PLAG1: variants seen among roughly 807,000 people sequenced by gnomAD.
PLAG1 encodes PLAG1 zinc finger.
A neutral mutation model predicts 35.5 loss-of-function variants in PLAG1; 7 were observed. That is an observed-to-expected ratio of 0.20 (90% CI 0.11 to 0.37). PLAG1 has a LOEUF of 0.37. PLAG1 is among the 10% of genes least tolerant of loss of function. PLAG1 has a pLI of 1.00. For synonymous variants in PLAG1, 229 were observed against 225.4 expected (o/e 1.02, Z -0.14); for missense variants, 454 against 602.8 (o/e 0.75, Z 2.58).
intron 3 of PLAG1, among the ~76,000 whole-genome samples, chr8:56,170,787 TAATC>T (rs900466938): frequency 6.6e-6 from 1 of 152,224 alleles, no homozygotes; most frequent in African/African-American, 2.4e-5. Context: ...AAATTGGTGA[TAATC>T]AATATGGAGT....
chr8:56,198,419 C>A (rs989300298), intron 1 of PLAG1, among the ~76,000 whole-genome samples: 1 of 152,186 alleles, frequency 6.6e-6, no homozygotes, highest in African/African-American at 2.4e-5. Context: ...CGGGAGCACC[C>A]AGGTCCTATA....
chr8:56,188,916 G>T (rs36103212), intron 1 of PLAG1, among the ~76,000 whole-genome samples: 21,282 of 152,120 alleles, frequency 0.14, 1,761 homozygotes, highest in Middle Eastern at 0.19. Context: ...TCCATGCTGG[G>T]GCAAAGGGGA....
At chr8:56,192,081 A>G (rs1172086168) in intron 1 of PLAG1, among the ~76,000 whole-genome samples, 1 of 152,210 alleles carries the variant, frequency 6.6e-6, no homozygotes, top group East Asian at 1.9e-4. Flanking sequence ...TTAAAACAAA[A>G]GAAATCAACA....
chr8:56,164,555 T>C lies in PLAG1; in HGVS notation c.*1688A>G. 1 of 224,980 alleles carries C rather than the reference T, an allele frequency of 4.4e-6. No individual in the cohort carries two copies. The highest frequency in any genetic ancestry group is 8.9e-6 in the Non-Finnish European group (1 of 112,634). The allele number at this position is 224,980 out of a possible 1,614,324, so 13.9% of individuals were successfully genotyped here. On this transcript the variant is annotated 3_prime_UTR_variant, in exon 5 of 5. Transcript: ENST00000316981. ...GCTAATGAGTGCTCAGAAATATTTTTCTTTCTGTTTTTTTTTAAAGAGATA... is the reference window on the plus strand; with the variant it reads ...GCTAATGAGTGCTCAGAAATATTTTCCTTTCTGTTTTTTTTTAAAGAGATA...
intron 2 of PLAG1, among the ~76,000 whole-genome samples, chr8:56,171,823 T>A (rs922099532): frequency 6.6e-6 from 1 of 152,210 alleles, no homozygotes; most frequent in Non-Finnish European, 1.5e-5. Flanking sequence ...GAAAGGGGTG[T>A]TAGGAAGAGA....
In PLAG1 at chr8:56,165,488, T is replaced by C. The variant is rs917292027; in HGVS notation, c.*755A>G. The C allele has an allele frequency of 4.7e-6, 1 of 211,514 alleles. No homozygotes were observed. The highest frequency in any genetic ancestry group is 5.9e-5 in the Admixed American group (1 of 17,054). The allele number at this position is 211,514 out of a possible 1,614,324, so 13.1% of individuals were successfully genotyped here. A position where few individuals can be genotyped will look rare whatever the true frequency, so the allele number is the denominator to read the frequency against. ...CTATTACTATTATTAAATGAAAAGA[T>C]AGCATGTTAAGAAGGATGAAACACG... On this transcript the variant is annotated 3_prime_UTR_variant, in exon 5 of 5. Transcript: ENST00000316981.
In PLAG1 at chr8:56,165,256, G is replaced by A. The variant is rs1811321059; in HGVS notation, c.*987C>T. The A allele has an allele frequency of 9.4e-6, 2 of 213,656 alleles. No individual in the cohort carries two copies. Among genetic ancestry groups the A allele is most frequent in the Non-Finnish European group, 1.9e-5 (2 of 105,714 alleles). The allele number at this position is 213,656 out of a possible 1,614,324, so 13.2% of individuals were successfully genotyped here. A position where few individuals can be genotyped will look rare whatever the true frequency, so the allele number is the denominator to read the frequency against. On this transcript the variant is annotated 3_prime_UTR_variant, in exon 5 of 5. Transcript: ENST00000316981. ...CGTCTATCTTCCTGCTTAGAAGTCT[G>A]TCACCCACAGAGGCTGAGTCAATCC...
Position 56,171,077 on chromosome 8 carries a change from AGTTCAAT to A in PLAG1, c.-118+7_-118+13del. On this transcript the variant is annotated splice_region_variant and intron_variant, in intron 3 of 4. Transcript: ENST00000316981. ...CATGCATAGAATTATAGTGATTTTTAGTTCAATGCATACCTGATTACTGATGGAAAAA... is the reference window on the plus strand; with the variant it reads ...CATGCATAGAATTATAGTGATTTTTAGCATACCTGATTACTGATGGAAAAA... 1 of 734,438 alleles carries A rather than the reference AGTTCAAT, an allele frequency of 1.4e-6. No individual in the cohort carries two copies. Among genetic ancestry groups the A allele is most frequent in the Non-Finnish European group, 1.7e-6 (1 of 600,326 alleles). The allele number at this position is 734,438 out of a possible 1,614,324, so 45.5% of individuals were successfully genotyped here.
At chr8:56,204,782 G>A (rs1046778014) in intron 1 of PLAG1, among the ~76,000 whole-genome samples, 1 of 151,824 alleles carries the variant, frequency 6.6e-6, no homozygotes, top group African/African-American at 2.4e-5. Context: ...TTTAATGAGT[G>A]AAAGGCTAAA....
chr8:56,190,898 A>G (rs1457593419), intron 1 of PLAG1, among the ~76,000 whole-genome samples: 1 of 152,162 alleles, frequency 6.6e-6, no homozygotes. Flanking sequence ...ATGAGTAGGT[A>G]TTGGTCCAGT....
At chr8:56,184,089 G>GT (rs1165196641) in intron 1 of PLAG1, among the ~76,000 whole-genome samples, 3 of 152,114 alleles carry the variant, frequency 2.0e-5, no homozygotes, top group Non-Finnish European at 4.4e-5. Context: ...GAGATCAACT[G>GT]TAAGTTGATA....
intron 2 of PLAG1, among the ~76,000 whole-genome samples, chr8:56,177,265 TCCTC>T (rs146390337): frequency 0.016 from 2,508 of 152,290 alleles, 20 homozygotes; most frequent in Non-Finnish European, 0.024. Context: ...CATCCATCTG[TCCTC>T]CCTAAGTTAT....
In PLAG1 at chr8:56,163,736, C is replaced by T. The variant is rs565970905; in HGVS notation, c.*2507G>A. 1 of 190,218 alleles carries T rather than the reference C, an allele frequency of 5.3e-6. No homozygotes were observed. The highest frequency in any genetic ancestry group is 1.9e-4 in the South Asian group (1 of 5,168). 11.8% of individuals were successfully genotyped at this position (190,218 alleles called of 1,614,324 possible). A position where few individuals can be genotyped will look rare whatever the true frequency, so the allele number is the denominator to read the frequency against. On this transcript the variant is annotated 3_prime_UTR_variant, in exon 5 of 5. Coordinates refer to ENST00000316981, the MANE Select transcript of PLAG1 (RefSeq NM_002655.3). ...ACATATATGGCGCTATTCCCCATTT[C>T]CAAAATGCTTTACTTAATAAATCCT...
At chr8:56,195,923 A>G (rs1333354798) in intron 1 of PLAG1, among the ~76,000 whole-genome samples, 2 of 152,202 alleles carry the variant, frequency 1.3e-5, no homozygotes, top group African/African-American at 4.8e-5. Context: ...TGCTGTGTGC[A>G]GGTGAGCAGT....
intron 1 of PLAG1, among the ~76,000 whole-genome samples, chr8:56,207,049 A>C (rs954346175): frequency 2.0e-5 from 3 of 152,034 alleles, no homozygotes; most frequent in African/African-American, 4.8e-5. Flanking sequence ...AATGTAAGTA[A>C]GTTTCTTCAG....
intron 3 of PLAG1, among the ~76,000 whole-genome samples, chr8:56,168,604 C>T (rs1811425112): frequency 6.6e-6 from 1 of 152,092 alleles, no homozygotes; most frequent in Non-Finnish European, 1.5e-5. Flanking sequence ...TTCATACATA[C>T]CCTGAAATTC....
chr8:56,190,897 T>A (rs1812162409), intron 1 of PLAG1, among the ~76,000 whole-genome samples: 1 of 151,952 alleles, frequency 6.6e-6, no homozygotes, highest in Non-Finnish European at 1.5e-5. Context: ...GATGAGTAGG[T>A]ATTGGTCCAG....
At chr8:56,185,674 T>C (rs1811998447) in intron 1 of PLAG1, among the ~76,000 whole-genome samples, 1 of 152,180 alleles carries the variant, frequency 6.6e-6, no homozygotes. Flanking sequence ...GCTGTCAAAC[T>C]TGGAGGAAGC....
intron 1 of PLAG1, among the ~76,000 whole-genome samples, chr8:56,208,296 A>G (rs560404340): frequency 6.6e-5 from 10 of 152,184 alleles, no homozygotes; most frequent in Non-Finnish European, 1.3e-4. Context: ...ATCATTGGGC[A>G]TGGAGGAGTT....
Sources: allele counts gnomAD v4.1 joint callset (sites outside exome capture counted in the v4.1 genomes callset), GRCh38; gene constraint gnomAD v4.1.1; transcripts MANE v1.5; gene names NCBI Gene and HGNC (gene_info 2026-07-23, HGNC 2026-07-21).